The following MAPK13 variants were observed in gnomAD, a reference collection of about 807,000 sequenced individuals.
The protein encoded by MAPK13 is MAP kinase 13.
In MAPK13, 39 loss-of-function variants were observed where a neutral mutation model predicts 53.5. The ratio of observed to expected loss-of-function variants is 0.73; its 90% CI spans 0.56 to 0.95. MAPK13 has a LOEUF of 0.95. Ranked by LOEUF, MAPK13 falls within the 40% of genes least tolerant of loss-of-function variation. MAPK13 has a pLI of 0.00. For missense variants in MAPK13, 460 were observed against 471.8 expected, an observed-to-expected ratio of 0.98 and a Z score of 0.23; for synonymous variants, 179 against 190.9, an observed-to-expected ratio of 0.94 and a Z score of 0.51.
intron 8 of MAPK13, 73 bp downstream of exon 8, chr6:36,137,023 G>C (rs996414361): frequency 3.7e-6 from 5 of 1,348,956 alleles, no homozygotes; most frequent in South Asian, 1.2e-5. Flanking sequence ...TTAAATAACT[G>C]TCTTTTTTTT....
rs1242403639 is a variant in MAPK13 at position 36,141,973 on chromosome 6, A to G, written c.*2600A>G. On this transcript the variant is annotated 3_prime_UTR_variant, in exon 12 of 12. Coordinates refer to ENST00000211287, the MANE Select transcript of MAPK13 (RefSeq NM_002754.5). The stretch of plus-strand genomic sequence containing the variant: ...CCTCGCTGGTTACTAAAACTGCCCC[A>G]GGTTCCCTGAGTCTACATCCCTCTA... 6.6e-6 allele frequency: 1 copy of G among 152,262 alleles called. No homozygotes were observed. The highest frequency in any genetic ancestry group is 6.5e-5 in the Admixed American group (1 of 15,282). 9.4% of individuals were successfully genotyped at this position (152,262 alleles called of 1,614,324 possible).
Position 36,136,873 on chromosome 6 carries a change from C to G in MAPK13, c.611-6C>G. On this transcript the variant is annotated splice_region_variant and splice_polypyrimidine_tract_variant and intron_variant, in intron 7 of 11. Coordinates refer to ENST00000211287, the MANE Select transcript of MAPK13 (RefSeq NM_002754.5). ...AGTCCAGGTGACACTCTCCCTCCCTCTGCAGTGGACATCTGGTCTGTGGGC... is the reference window on the plus strand; with the variant it reads ...AGTCCAGGTGACACTCTCCCTCCCTGTGCAGTGGACATCTGGTCTGTGGGC... The G allele has an allele frequency of 1.2e-6, 2 of 1,614,048 alleles. No individual in the cohort carries two copies. The highest frequency in any genetic ancestry group is 1.7e-6 in the Non-Finnish European group (2 of 1,179,886).
At position 36,139,708 on chromosome 6, in the gene MAPK13, C is replaced by T. The variant is rs980690603; in HGVS notation, c.*335C>T. The T allele has an allele frequency of 3.6e-5, 10 of 280,384 alleles. No individual in the cohort carries two copies. The highest frequency in any genetic ancestry group is 5.5e-5 in the Non-Finnish European group (8 of 145,940). The allele number at this position is 280,384 out of a possible 1,614,324, so 17.4% of individuals were successfully genotyped here. A position where few individuals can be genotyped will look rare whatever the true frequency, so the allele number is the denominator to read the frequency against. ...TGTTGGTTTCCTAGGGATGCTCTAA[C>T]GAATTACCACAAACCTGGTGGATTG... is the stretch of plus-strand genomic sequence containing the variant. On this transcript the variant is annotated 3_prime_UTR_variant, in exon 12 of 12. Coordinates refer to ENST00000211287, the MANE Select transcript of MAPK13 (RefSeq NM_002754.5).
In MAPK13 at chr6:36,130,951, C is replaced by T. The variant is rs1766305969; in HGVS notation, c.119+250C>T. On this transcript the variant is annotated intron_variant, in intron 1 of 11. Transcript: ENST00000211287. The surrounding 1 kb of genome is among the most constrained non-coding windows in gnomAD (Gnocchi z 4.5). ...ACACTTGCAAGACCCCAGAGTTCAT[C>T]GGGCAGATCCTCACTGTTACAGACG... 2.0e-6 allele frequency: 1 copy of T among 511,566 alleles called. No homozygotes were observed. The highest frequency in any genetic ancestry group is 3.5e-6 in the Non-Finnish European group (1 of 288,588). The allele number at this position is 511,566 out of a possible 1,614,324, so 31.7% of individuals were successfully genotyped here. A position where few individuals can be genotyped will look rare whatever the true frequency, so the allele number is the denominator to read the frequency against.
chr6:36,132,498 T>C (rs1353722603), intron 2 of MAPK13, 123 bp from the exon 3 acceptor site: 2 of 813,258 alleles, frequency 2.5e-6, no homozygotes, highest in Non-Finnish European at 4.3e-6. Context: ...GTTGGAGACA[T>C]GCCTCCTGCT....
chr6:36,138,590 C>A, intron 9 of MAPK13, 112 bp from the exon 10 acceptor site: 1 of 1,282,606 alleles, frequency 7.8e-7, no homozygotes, highest in Non-Finnish European at 1.1e-6. Context: ...GTCTTAATCT[C>A]ACCGTGGACC....
chr6:36,138,900 T>C lies in MAPK13; in HGVS notation c.863T>C (p.Met288Thr). 5 of 1,611,036 alleles carry C rather than the reference T, an allele frequency of 3.1e-6. No homozygotes were observed. Among genetic ancestry groups the C allele is most frequent in the Non-Finnish European group, 4.2e-6 (5 of 1,178,716 alleles). ...GCAGCTGCGGACCTGCTGGAGAAGA[T>C]GCTGGAGCTAGACGTGGACAAGCGC... ...SPQAADLLEK[M>T]LELDVDKRLT... is the part of the protein sequence containing the mutation. Residue 288 changes from methionine to threonine, a missense_variant, in exon 11 of 12, where the codon ATG (methionine) becomes ACG (threonine). Physicochemically the swap from Met to Thr is moderately conservative, Grantham distance 81. Transcript: ENST00000211287.
rs1766490983 is a variant in MAPK13, at chr6:36,139,479, GA to G, written c.*108del. 2.3e-6 allele frequency: 2 copies of G among 882,602 alleles called. No homozygotes were observed. Among genetic ancestry groups the G allele is most frequent in the Non-Finnish European group, 1.9e-6 (1 of 539,556 alleles). The allele number at this position is 882,602 out of a possible 1,614,324, so 54.7% of individuals were successfully genotyped here. ...AATACAGCCTTTCAAGCAGAGGACAGAAGGGTCCTTCTCCTTATGTGGGAAA... is the reference window on the plus strand; with the variant it reads ...AATACAGCCTTTCAAGCAGAGGACAGAGGGTCCTTCTCCTTATGTGGGAAA... On this transcript the variant is annotated 3_prime_UTR_variant, in exon 12 of 12. Transcript: ENST00000211287.
In MAPK13 at chr6:36,138,039, G is replaced by A. The variant is rs145150837; in HGVS notation, c.683-326G>A. ...CTACGTGGAAAATACATTTTGGCAC[G>A]GCACACATTAACTGAGTACCTGTGT... On this transcript the variant is annotated intron_variant, in intron 8 of 11. Transcript: ENST00000211287. Among the ~76,000 whole-genome samples, 4 of 151,866 alleles carry A rather than the reference G, an allele frequency of 2.6e-5. No individual in the cohort carries two copies. In the East Asian group the frequency reaches 7.7e-4, roughly 29 times the overall value.
rs1300680070 is a variant in MAPK13, at chr6:36,136,894, T to G, written c.626T>G (p.Val209Gly). The G allele has an allele frequency of 1.2e-6, 2 of 1,614,194 alleles. No homozygotes were observed. The highest frequency in any genetic ancestry group is 1.7e-6 in the Non-Finnish European group (2 of 1,180,006). ...HYNQTVDIWS[V>G]GCIMAEMLTG... Reference sequence around the variant, plus strand: ...CCCTCTGCAGTGGACATCTGGTCTGTGGGCTGTATCATGGCAGAGATGCTG... The same window carrying G: ...CCCTCTGCAGTGGACATCTGGTCTGGGGGCTGTATCATGGCAGAGATGCTG... The change falls in exon 8 of 12, where the codon GTG becomes GGG. Residue 209 changes from valine (V) to glycine (G), a missense_variant. Coordinates refer to ENST00000211287, the MANE Select transcript of MAPK13 (RefSeq NM_002754.5).
intron 2 of MAPK13, among the ~76,000 whole-genome samples, chr6:36,131,934 C>T (rs748849291): frequency 2.0e-5 from 3 of 152,186 alleles, no homozygotes; most frequent in African/African-American, 4.8e-5. Context: ...ATCTCGGCAG[C>T]GAGGCTCCCG....
intron 8 of MAPK13, among the ~76,000 whole-genome samples, 178 bp downstream of exon 8, chr6:36,137,128 G>A (rs933402464): frequency 2.0e-5 from 3 of 152,178 alleles, no homozygotes; most frequent in African/African-American, 4.8e-5. Flanking sequence ...CCAGCACTTT[G>A]GGAGGCTGAG....
intron 3 of MAPK13, among the ~76,000 whole-genome samples, chr6:36,133,509 C>G (rs1287694727): frequency 1.3e-5 from 2 of 152,148 alleles, no homozygotes; most frequent in African/African-American, 2.4e-5. Context: ...GGTGCAGTAG[C>G]TGAGTGAGGT....
chr6:36,139,076 C>A (rs1219970746), intron 11 of MAPK13, 21 bp downstream of exon 11: 1 of 1,558,510 alleles, frequency 6.4e-7, no homozygotes, highest in Non-Finnish European at 8.7e-7. Flanking sequence ...GGGCCTCGGG[C>A]TTCCTCGCCT....
intron 8 of MAPK13, among the ~76,000 whole-genome samples, chr6:36,137,736 G>A (rs1014308468): frequency 6.6e-5 from 10 of 151,536 alleles, no homozygotes; most frequent in Non-Finnish European, 1.5e-4. Context: ...CATGGCAGGC[G>A]GATCACCTGA....
At chr6:36,131,928 C>T (rs1452842443) in intron 2 of MAPK13, among the ~76,000 whole-genome samples, 3 of 152,206 alleles carry the variant, frequency 2.0e-5, no homozygotes, top group Non-Finnish European at 2.9e-5. Context: ...GTTTCAATCT[C>T]GGCAGCGAGG....
rs1388997950 is a variant in MAPK13, at chr6:36,141,994, C to T, written c.*2621C>T. 1 of 152,446 alleles carries T rather than the reference C, an allele frequency of 6.6e-6. No homozygotes were observed. Among genetic ancestry groups the T allele is most frequent in the Non-Finnish European group, 1.5e-5 (1 of 68,214 alleles). 9.4% of individuals were successfully genotyped at this position (152,446 alleles called of 1,614,324 possible). ...CCCCAGGTTCCCTGAGTCTACATCC[C>T]TCTAAGCCTCCTGAGAATTCTCACT... On this transcript the variant is annotated 3_prime_UTR_variant, in exon 12 of 12. Transcript: ENST00000211287.
In MAPK13 at chr6:36,136,664, T is replaced by C. The variant is rs140001325; in HGVS notation, c.504T>C (p.Asp168=). 59 of 1,613,674 alleles carry C rather than the reference T, an allele frequency of 3.7e-5. No homozygotes were observed. The African/African-American group carries it at 7.5e-4, about 20-fold the overall frequency. ...VNEDCELKIL[D]FGLARHADAE... is the part of the protein sequence containing the mutation. Reference sequence around the variant, plus strand: ...TATCCCCTGTGCCATAGATTCTGGATTTTGGGCTGGCGCGACATGCAGACG... The same window carrying C: ...TATCCCCTGTGCCATAGATTCTGGACTTTGGGCTGGCGCGACATGCAGACG... Residue 168 remains aspartate (D), a synonymous_variant, in exon 7 of 12, where the codon GAT becomes GAC. Coordinates refer to ENST00000211287, the MANE Select transcript of MAPK13 (RefSeq NM_002754.5).
rs1766295710 is a variant in MAPK13, at chr6:36,130,576, GCCCGGGATGAGCCTCATCCGGAAA to G, written c.-6_18del. On this transcript the variant is annotated start_lost and 5_prime_UTR_variant, in exon 1 of 12. Transcript: ENST00000211287. The surrounding 1 kb of genome is among the most constrained non-coding windows in gnomAD (Gnocchi z 4.5). The stretch of plus-strand genomic sequence containing the variant: ...CACGCTGGGGCCGCCGAGATCGGGT[GCCCGGGATGAGCCTCATCCGGAAA>G]AAGGGCTTCTACAAGCAGGACGTCA... 6.7e-7 allele frequency: 1 copy of G among 1,493,792 alleles called. No individual in the cohort carries two copies. Among genetic ancestry groups the G allele is most frequent in the Admixed American group, 1.9e-5 (1 of 52,798 alleles). 92.5% of individuals were successfully genotyped at this position (1,493,792 alleles called of 1,614,324 possible). A position where few individuals can be genotyped will look rare whatever the true frequency, so the allele number is the denominator to read the frequency against.
Sources: gnomAD v4.1 joint callset for allele counts (sites outside exome capture counted in the v4.1 genomes callset) on GRCh38, gnomAD v4.1.1 for gene constraint, Gnocchi (gnomAD v3.1) non-coding constraint, MANE v1.5 for transcripts, NCBI Gene and HGNC (gene_info 2026-07-23, HGNC 2026-07-21) for gene names.